The following RPS6KC1 variants were observed in gnomAD, a reference collection of about 807,000 sequenced individuals.
The protein encoded by RPS6KC1 is ribosomal protein S6 kinase C1.
In RPS6KC1, 54 loss-of-function variants were observed where a neutral mutation model predicts 103.8. That is an observed-to-expected ratio of 0.52 (90% CI 0.42 to 0.65). The LOEUF (loss-of-function observed/expected upper bound fraction) is 0.65, where lower values mean the gene tolerates loss of function less well. Among genes scored for constraint, RPS6KC1 ranks in the 30% least tolerant of loss-of-function variants. The probability of loss-of-function intolerance (pLI) is 0.00; values close to 1 mark genes in which losing one functional copy is unlikely to be tolerated. For missense variants in RPS6KC1, 1,151 were observed against 1,253.8 expected, an observed-to-expected ratio of 0.92 and a Z score of 1.24; for synonymous variants, 439 against 438.7, an observed-to-expected ratio of 1.00 and a Z score of -0.01.
chr1:213,534,533 A>T, the RPS6KC1 span, among the ~76,000 whole-genome samples: 1 of 152,162 alleles, frequency 6.6e-6, no homozygotes, highest in Non-Finnish European at 1.5e-5. Context: ...TGCATCCTTC[A>T]ACCACTGCTC....
chr1:213,581,883 G>C, the RPS6KC1 span, among the ~76,000 whole-genome samples: 3 of 151,874 alleles, frequency 2.0e-5, no homozygotes, highest in Admixed American at 2.0e-4. Flanking sequence ...CCTTTCTCCT[G>C]ATTTTGATTT....
At chr1:213,266,833 G>A (rs1420686556) in intron 14 of RPS6KC1, among the ~76,000 whole-genome samples, 2 of 151,770 alleles carry the variant, frequency 1.3e-5, no homozygotes, top group Admixed American at 6.6e-5. Flanking sequence ...AACCTGGGAG[G>A]CAGAGGTTGC....
the RPS6KC1 span, among the ~76,000 whole-genome samples, chr1:213,494,156 A>C: frequency 6.6e-6 from 1 of 152,078 alleles, no homozygotes; most frequent in Non-Finnish European, 1.5e-5. Context: ...AATGGTTGGG[A>C]CTAGGTTGTC....
At chr1:213,388,408 C>A in the RPS6KC1 span, among the ~76,000 whole-genome samples, 1 of 152,334 alleles carries the variant, frequency 6.6e-6, no homozygotes, top group South Asian at 2.1e-4. Context: ...GGCATGTGGC[C>A]CTGGACGCTG....
intron 1 of RPS6KC1, among the ~76,000 whole-genome samples, chr1:213,065,029 T>C (rs1231265378): frequency 7.7e-6 from 1 of 130,536 alleles, no homozygotes; most frequent in Admixed American, 8.8e-5. Context: ...CAGGTTGGAA[T>C]GCAGTGGCGC....
the RPS6KC1 span, among the ~76,000 whole-genome samples, chr1:213,645,472 G>T: frequency 4.6e-5 from 7 of 152,088 alleles, no homozygotes; most frequent in Non-Finnish European, 8.8e-5. Context: ...CGTATGTAAA[G>T]GTGTCCGAGC....
At chr1:213,332,356 CT>C in the RPS6KC1 span, among the ~76,000 whole-genome samples, 1 of 152,156 alleles carries the variant, frequency 6.6e-6, no homozygotes, top group African/African-American at 2.4e-5. Flanking sequence ...TTTAAAATAC[CT>C]TTTCTGCACT....
At chr1:213,226,553 CCTT>C (rs967667364) in intron 8 of RPS6KC1, among the ~76,000 whole-genome samples, 12 of 152,132 alleles carry the variant, frequency 7.9e-5, no homozygotes, top group African/African-American at 2.7e-4. Context: ...TAGTGTTTTT[CCTT>C]CTTCTGACAG....
the RPS6KC1 span, among the ~76,000 whole-genome samples, chr1:213,361,252 C>A: frequency 1.3e-5 from 2 of 152,372 alleles, no homozygotes; most frequent in South Asian, 2.1e-4. Flanking sequence ...CAAGCCTCAG[C>A]AATGGCAGGC....
the RPS6KC1 span, among the ~76,000 whole-genome samples, chr1:213,393,219 C>T: frequency 6.6e-3 from 1,006 of 152,302 alleles, 10 homozygotes; most frequent in African/African-American, 0.023. Context: ...ATGGCATTTA[C>T]TGAGGGTCTC....
intron 6 of RPS6KC1, among the ~76,000 whole-genome samples, chr1:213,146,721 G>A (rs1010261528): frequency 6.6e-6 from 1 of 151,202 alleles, no homozygotes; most frequent in Admixed American, 6.6e-5. Flanking sequence ...CACTGTGCCC[G>A]GCCGTGGGAT....
At chr1:213,129,050 G>A (rs530368172) in intron 5 of RPS6KC1, among the ~76,000 whole-genome samples, 35 of 152,212 alleles carry the variant, frequency 2.3e-4, no homozygotes, top group African/African-American at 8.2e-4. Flanking sequence ...TAAGCTACTC[G>A]GGAGGCTGAA....
chr1:213,283,265 C>T, the RPS6KC1 span, among the ~76,000 whole-genome samples: 2 of 152,326 alleles, frequency 1.3e-5, no homozygotes, highest in South Asian at 4.1e-4. Context: ...AGATGTGCTG[C>T]TGCTCCTGCT....
the RPS6KC1 span, among the ~76,000 whole-genome samples, chr1:213,854,573 T>TCC: frequency 6.6e-6 from 1 of 150,436 alleles, no homozygotes; most frequent in African/African-American, 2.5e-5. Context: ...TCTCTCTCTC[T>TCC]CTCTCTTTCT....
At chr1:213,862,668 A>G in the RPS6KC1 span, among the ~76,000 whole-genome samples, 3 of 152,242 alleles carry the variant, frequency 2.0e-5, no homozygotes, top group Non-Finnish European at 4.4e-5. Context: ...CCTTGTTTAC[A>G]TGTAAATAAC....
chr1:213,315,881 C>T, the RPS6KC1 span, among the ~76,000 whole-genome samples: 1 of 152,230 alleles, frequency 6.6e-6, no homozygotes, highest in Admixed American at 6.5e-5. Flanking sequence ...GCTTAATGCC[C>T]AGCATGCATA....
chr1:213,545,439 G>A, the RPS6KC1 span, among the ~76,000 whole-genome samples: 13 of 145,548 alleles, frequency 8.9e-5, no homozygotes, highest in African/African-American at 2.5e-4. Context: ...ATAAAAGAGA[G>A]AGAGAGAGAG....
chr1:213,504,129 T>C, the RPS6KC1 span, among the ~76,000 whole-genome samples: 2 of 152,178 alleles, frequency 1.3e-5, no homozygotes, highest in Admixed American at 6.5e-5. Flanking sequence ...GTATATACAA[T>C]TATGATAATT....
intron 5 of RPS6KC1, among the ~76,000 whole-genome samples, chr1:213,128,719 T>C (rs1012131718): frequency 6.6e-6 from 1 of 152,214 alleles, no homozygotes; most frequent in Non-Finnish European, 1.5e-5. Context: ...GCATACATTT[T>C]CCAGTTACGG....
Sources: allele counts gnomAD v4.1 joint callset (sites outside exome capture counted in the v4.1 genomes callset), GRCh38; gene constraint gnomAD v4.1.1; transcripts MANE v1.5; gene names NCBI Gene and HGNC (gene_info 2026-07-23, HGNC 2026-07-21).